The following TAF3 variants were observed in gnomAD, a reference collection of about 807,000 sequenced individuals.
The protein encoded by TAF3 is TATA-box binding protein associated factor 3.
A neutral mutation model predicts 80.6 loss-of-function variants in TAF3; 7 were observed. The observed-to-expected ratio is 0.09, with a 90% CI of 0.05 to 0.16. The LOEUF (loss-of-function observed/expected upper bound fraction) is 0.16. TAF3 is among the 10% of genes least tolerant of loss of function. The pLI is 1.00. For missense variants in TAF3, 921 were observed against 1,140.2 expected (o/e 0.81, Z 2.77); for synonymous variants, 444 against 446.1 (o/e 1.00, Z 0.06).
chr10:7,943,026 G>A (rs10795579), intron 2 of TAF3, among the ~76,000 whole-genome samples: 58,360 of 152,028 alleles, frequency 0.38, 12,135 homozygotes, highest in Admixed American at 0.5. Context: ...TTGCCGTCCA[G>A]TCCAGTTTCT....
intron 4 of TAF3, among the ~76,000 whole-genome samples, chr10:7,987,476 A>G (rs1831789888): frequency 6.6e-6 from 1 of 152,146 alleles, no homozygotes; most frequent in Non-Finnish European, 1.5e-5. Context: ...ACCAGTTTTC[A>G]AACATTTAAG....
chr10:7,838,907 T>A (rs1283510811), intron 2 of TAF3, among the ~76,000 whole-genome samples: 1 of 131,332 alleles, frequency 7.6e-6, no homozygotes, highest in Non-Finnish European at 1.7e-5. Context: ...AGGCATTGCT[T>A]GTTTTTTTTT....
intron 2 of TAF3, among the ~76,000 whole-genome samples, chr10:7,862,490 A>C (rs1040894771): frequency 2.6e-5 from 4 of 152,078 alleles, no homozygotes; most frequent in African/African-American, 9.7e-5. Context: ...TGTTTTCTGG[A>C]CTATTATCTT....
intron 2 of TAF3, among the ~76,000 whole-genome samples, chr10:7,825,502 C>T (rs773274059): frequency 5.3e-5 from 8 of 152,190 alleles, no homozygotes; most frequent in Non-Finnish European, 1.0e-4. Flanking sequence ...TTCTCCACCA[C>T]TTCCAGCCCC....
rs552256826 is a variant in TAF3, at chr10:7,864,812, T to A, written c.409+40252T>A. ...AGTAAATGTTTCAGTTTTAAGGAAA[T>A]ATAGTTTATCTTTTTTTTTTTCCTT... On this transcript the variant is annotated intron_variant, in intron 2 of 6. Coordinates refer to ENST00000344293, the MANE Select transcript of TAF3 (RefSeq NM_031923.4). Among the ~76,000 whole-genome samples, 17 of 133,216 alleles carry A rather than the reference T, an allele frequency of 1.3e-4. No individual in the cohort carries two copies. In the South Asian group the frequency reaches 3.4e-3, roughly 26 times the overall value. The allele number at this position is 133,216 out of a possible 152,430, so 87.4% of individuals were successfully genotyped here. A position where few individuals can be genotyped will look rare whatever the true frequency, so the allele number is the denominator to read the frequency against.
chr10:7,952,867 G>A (rs542124349), intron 2 of TAF3, among the ~76,000 whole-genome samples: 1 of 152,194 alleles, frequency 6.6e-6, no homozygotes, highest in South Asian at 2.1e-4. Context: ...TGTTTTAAGG[G>A]TCTAATTTCT....
At chr10:7,956,861 A>G (rs1838141118) in intron 2 of TAF3, among the ~76,000 whole-genome samples, 1 of 152,174 alleles carries the variant, frequency 6.6e-6, no homozygotes. Flanking sequence ...TTAAGAGGGG[A>G]CATGAATTTT....
intron 2 of TAF3, among the ~76,000 whole-genome samples, chr10:7,956,038 T>C (rs1838132007): frequency 6.6e-6 from 1 of 152,166 alleles, no homozygotes; most frequent in Non-Finnish European, 1.5e-5. Flanking sequence ...CAACTTATTC[T>C]CAAAGTTTCC....
intron 4 of TAF3, among the ~76,000 whole-genome samples, chr10:7,981,718 T>C (rs551052845): frequency 5.9e-5 from 9 of 152,354 alleles, no homozygotes; most frequent in Non-Finnish European, 1.0e-4. Context: ...AACTTCATCA[T>C]CAGCCCTCGT....
chr10:7,906,745 A>G (rs1007937179), intron 2 of TAF3, among the ~76,000 whole-genome samples: 1 of 151,490 alleles, frequency 6.6e-6, no homozygotes, highest in Non-Finnish European at 1.5e-5. Flanking sequence ...AATTCTACCA[A>G]TAGGCACCTT....
Position 7,940,754 on chromosome 10 carries a change from A to G in TAF3, c.410-23166A>G, listed in dbSNP as rs561723056. Among the ~76,000 whole-genome samples the G allele has an allele frequency of 4.3e-3, 648 of 152,304 alleles. 7 individuals are homozygous for G. Among genetic ancestry groups the G allele is most frequent in the African/African-American group, 0.015 (609 of 41,556 alleles). On this transcript the variant is annotated intron_variant, in intron 2 of 6. Coordinates refer to ENST00000344293, the MANE Select transcript of TAF3 (RefSeq NM_031923.4). The stretch of plus-strand genomic sequence containing the variant: ...AGGATCATTTGAGCCCAGGAGTTTG[A>G]GACCAGCCTGAGCAACAGAGCAAGA...
At chr10:7,826,646 A>G (rs939239909) in intron 2 of TAF3, among the ~76,000 whole-genome samples, 20 of 152,200 alleles carry the variant, frequency 1.3e-4, no homozygotes, top group African/African-American at 3.9e-4. Context: ...TATCTAACAC[A>G]TGTGGATTAA....
At chr10:7,915,301 C>T (rs1045397598) in intron 2 of TAF3, among the ~76,000 whole-genome samples, 3 of 151,408 alleles carry the variant, frequency 2.0e-5, no homozygotes, top group Admixed American at 6.6e-5. Context: ...CCTGTGCTGC[C>T]GGAGGGGCGA....
chr10:8,000,254 T>C (rs188325189), intron 4 of TAF3, among the ~76,000 whole-genome samples: 47 of 152,048 alleles, frequency 3.1e-4, no homozygotes, highest in African/African-American at 1.0e-3. Flanking sequence ...GTAGCTAGGA[T>C]TACAGGCATG....
rs754238431 is a variant in TAF3, at chr10:7,964,163, C to T, written c.653C>T (p.Ser218Leu). Reference protein sequence around the residue: ...VLLEAREPLSSINTQKIPPML... With the variant: ...VLLEAREPLSLINTQKIPPML... ...TTGGAAGCTCGAGAGCCACTCAGCT[C>T]AATAAATACTCAAAAGATCCCACCA... is the stretch of plus-strand genomic sequence containing the variant. Residue 218 changes from serine (S) to leucine (L), a missense_variant, in exon 3 of 7, where the codon TCA becomes TTA. By Grantham distance (145) the Ser-to-Leu change is moderately radical. Transcript: ENST00000344293. The surrounding 1 kb of genome is among the most constrained non-coding windows in gnomAD (Gnocchi z 4.1). 6.2e-7 allele frequency: 1 copy of T among 1,614,018 alleles called. No homozygotes were observed. The highest frequency in any genetic ancestry group is 8.5e-7 in the Non-Finnish European group (1 of 1,180,024).
Position 7,965,040 on chromosome 10 carries a change from G to C in TAF3, c.1530G>C (p.Glu510Asp). ...CCGAACCTCTCCACAAGGTGTATGA[G>C]GAGAAAACCAAGCTGCCTTCCTCCG... ...PTPEPLHKVY[E>D]EKTKLPSSVE... The change falls in exon 3 of 7, where the codon GAG (glutamate) becomes GAC (aspartate). Residue 510 changes from glutamate (E) to aspartate (D), a missense_variant. Glu to Asp is a conservative substitution (Grantham distance 45). This residue lies in a region of TAF3 where 743 missense variants were observed against 821.0 expected (regional missense o/e 0.90). Transcript: ENST00000344293. 6.2e-7 allele frequency: 1 copy of C among 1,613,966 alleles called. No individual in the cohort carries two copies. The highest frequency in any genetic ancestry group is 1.1e-5 in the South Asian group (1 of 91,064).
intron 2 of TAF3, among the ~76,000 whole-genome samples, chr10:7,848,720 A>G (rs1836997285): frequency 1.3e-5 from 2 of 152,182 alleles, no homozygotes; most frequent in African/African-American, 2.4e-5. Flanking sequence ...GGCAGCTAGA[A>G]TTGTCCTCAG....
chr10:7,939,520 T>G (rs1229433746), intron 2 of TAF3, among the ~76,000 whole-genome samples: 1 of 150,146 alleles, frequency 6.7e-6, no homozygotes, highest in Non-Finnish European at 1.5e-5. Flanking sequence ...GTATCCCACA[T>G]GAAAAGCAGA....
chr10:7,885,335 T>G (rs1478270930), intron 2 of TAF3, among the ~76,000 whole-genome samples: 1 of 152,154 alleles, frequency 6.6e-6, no homozygotes, highest in Admixed American at 6.5e-5. Flanking sequence ...AGTGAGGTTA[T>G]TTATTTGAAA....
Sources: allele counts gnomAD v4.1 joint callset (sites outside exome capture counted in the v4.1 genomes callset), GRCh38; gene constraint gnomAD v4.1.1; regional missense constraint gnomAD v4.1.1; non-coding constraint Gnocchi (gnomAD v3.1); transcripts MANE v1.5; gene names NCBI Gene and HGNC (gene_info 2026-07-23, HGNC 2026-07-21).